The following TEX14 variants were observed in gnomAD, a reference collection of about 807,000 sequenced individuals.
TEX14 encodes the protein testis expressed 14, intercellular bridge forming factor, also known as inactive serine/threonine-protein kinase TEX14.
TEX14 carries 168 observed loss-of-function variants against 178.6 expected under a neutral mutation model. That is an observed-to-expected ratio of 0.94 (90% CI 0.83 to 1.07). TEX14 has a LOEUF of 1.07. TEX14 is among the 50% of genes least tolerant of loss of function. The probability of loss-of-function intolerance (pLI) is 0.00; values close to 1 mark genes in which losing one functional copy is unlikely to be tolerated. For synonymous variants in TEX14, 626 were observed against 634.1 expected, an observed-to-expected ratio of 0.99 and a Z score of 0.19; for missense variants, 1,730 against 1,753.6, an observed-to-expected ratio of 0.99 and a Z score of 0.24.
chr17:58,664,425 T>G (rs1158097650), intron 1 of TEX14, among the ~76,000 whole-genome samples: 1 of 152,206 alleles, frequency 6.6e-6, no homozygotes, highest in Non-Finnish European at 1.5e-5. Context: ...TTCTTGAATT[T>G]CTTTGCTGCT....
intron 28 of TEX14, among the ~76,000 whole-genome samples, chr17:58,563,699 A>C (rs1360518349): frequency 3.6e-4 from 7 of 19,502 alleles, no homozygotes; most frequent in African/African-American, 4.0e-4. Context: ...AGAGAGAGAG[A>C]GAGCGCAAGA....
chr17:58,596,286 TTTTG>T (rs1181271332), intron 14 of TEX14, among the ~76,000 whole-genome samples: 1 of 152,190 alleles, frequency 6.6e-6, no homozygotes, highest in Non-Finnish European at 1.5e-5. Context: ...TTTGTGCCTT[TTTTG>T]TTTGTTTTTG....
rs2045984648 is a variant in TEX14, at chr17:58,620,981, CAAAAG to C, written c.554+664_554+668del. On this transcript the variant is annotated intron_variant, in intron 5 of 31. Transcript: ENST00000349033. ...ATGAATGACAGGACAAGGAAGCCTG[CAAAAG>C]TGTGGTGAGCCCAGCTACCCTGCTT... Among the ~76,000 whole-genome samples, 4 of 152,108 alleles carry C rather than the reference CAAAAG, an allele frequency of 2.6e-5. No homozygotes were observed. In the East Asian group the frequency reaches 7.7e-4, roughly 29 times the overall value.
chr17:58,588,981 A>C (rs1324890821), intron 15 of TEX14, among the ~76,000 whole-genome samples: 1 of 152,124 alleles, frequency 6.6e-6, no homozygotes, highest in Non-Finnish European at 1.5e-5. Context: ...CTTTTCAAAA[A>C]CGCATGAACT....
intron 1 of TEX14, among the ~76,000 whole-genome samples, chr17:58,668,649 A>C (rs16943170): frequency 0.049 from 7,388 of 152,270 alleles, 377 homozygotes; most frequent in African/African-American, 0.13. Flanking sequence ...AGTGGTAGAG[A>C]AGGAATTAAA....
At chr17:58,682,761 G>A (rs1651054374) in intron 1 of TEX14, among the ~76,000 whole-genome samples, 1 of 152,154 alleles carries the variant, frequency 6.6e-6, no homozygotes, top group South Asian at 2.1e-4. Context: ...TATTGGCCTA[G>A]TTATCAAAAT....
chr17:58,622,378 G>A (rs576531743), intron 4 of TEX14, among the ~76,000 whole-genome samples: 5 of 151,794 alleles, frequency 3.3e-5, no homozygotes, highest in African/African-American at 9.7e-5. Flanking sequence ...CCCAGGAGGC[G>A]GAGGTTGCAG....
intron 1 of TEX14, among the ~76,000 whole-genome samples, chr17:58,681,076 GT>G (rs781772644): frequency 6.6e-6 from 1 of 151,812 alleles, no homozygotes; most frequent in African/African-American, 2.4e-5. Context: ...GAGGTCAGGA[GT>G]TCAAGACCAG....
chr17:58,586,979 G>T (rs574114851), intron 17 of TEX14, among the ~76,000 whole-genome samples: 2 of 152,264 alleles, frequency 1.3e-5, no homozygotes, highest in African/African-American at 2.4e-5. Context: ...ACCCTGAGTT[G>T]CCAGGATAGG....
rs2144355602 is a variant in TEX14, at chr17:58,569,755, C to A, written c.3818-495G>T. Among the ~76,000 whole-genome samples the A allele has an allele frequency of 6.6e-6, 1 of 152,272 alleles. No homozygotes were observed. The highest frequency in any genetic ancestry group is 1.5e-5 in the Non-Finnish European group (1 of 68,014). ...GACCAAAATACCTCAACATAATTCA[C>A]AAAATCCCTATCCCCCTGAGGGAAA... On this transcript the variant is annotated intron_variant, in intron 25 of 31. Coordinates refer to ENST00000349033, the MANE Select transcript of TEX14 (RefSeq NM_031272.5). This position sits in a 1 kb window ranked among gnomAD's most constrained non-coding sequence, Gnocchi z 4.1.
At chr17:58,641,480 C>A (rs1159719899) in intron 2 of TEX14, among the ~76,000 whole-genome samples, 3 of 110,394 alleles carry the variant, frequency 2.7e-5, no homozygotes, top group African/African-American at 3.8e-5. Context: ...TTCTTTCTTT[C>A]TCTTTTATTT....
intron 1 of TEX14, chr17:58,661,755 G>T (rs1171513925): frequency 1.8e-6 from 1 of 557,328 alleles, no homozygotes; most frequent in Non-Finnish European, 3.2e-6. Flanking sequence ...GAAGGCAACG[G>T]AGTCGGTTGT....
intron 20 of TEX14, 107 bp downstream of exon 20, chr17:58,579,558 T>TG: frequency 1.1e-6 from 1 of 909,988 alleles, no homozygotes; most frequent in South Asian, 1.5e-5. Flanking sequence ...ATGAAAGGTT[T>TG]GGACGAGGCT....
intron 1 of TEX14, chr17:58,666,689 G>A (rs751071048): frequency 5.3e-5 from 8 of 152,170 alleles, no homozygotes; most frequent in Admixed American, 2.0e-4. Flanking sequence ...TCTCCTGACA[G>A]GTAATTATGA....
intron 1 of TEX14, among the ~76,000 whole-genome samples, chr17:58,662,969 G>T (rs1164519883): frequency 6.6e-6 from 1 of 151,990 alleles, no homozygotes; most frequent in East Asian, 1.9e-4. Context: ...TTAGCCGGGC[G>T]TGGTGGTGGG....
rs533299115 is a variant in TEX14, at chr17:58,619,707, CAGG to C, written c.554+1940_554+1942del. On this transcript the variant is annotated intron_variant, in intron 5 of 31. Coordinates refer to ENST00000349033, the MANE Select transcript of TEX14 (RefSeq NM_031272.5). Reference sequence around the variant, plus strand: ...ATCCCAGCTACTAAGGAGGCTGAGGCAGGAGAATTGCTTGAACCCAGGAGACAG... The same window carrying C: ...ATCCCAGCTACTAAGGAGGCTGAGGCAGAATTGCTTGAACCCAGGAGACAG... Among the ~76,000 whole-genome samples, 15 of 148,794 alleles carry C rather than the reference CAGG, an allele frequency of 1.0e-4. 1 individual carries two copies. Among genetic ancestry groups the C allele is most frequent in the South Asian group, 8.5e-4 (4 of 4,724 alleles).
chr17:58,620,499 A>T (rs1206456517), intron 5 of TEX14, among the ~76,000 whole-genome samples: 2 of 143,916 alleles, frequency 1.4e-5, no homozygotes. Flanking sequence ...CTCGGCTAAT[A>T]TTTTTTTTTT....
At chr17:58,562,216 G>C (rs1318088759) in intron 28 of TEX14, among the ~76,000 whole-genome samples, 2 of 152,194 alleles carry the variant, frequency 1.3e-5, no homozygotes, top group African/African-American at 4.8e-5. Flanking sequence ...CTCAATTCTA[G>C]GTCACTGAGT....
At chr17:58,607,233 C>G (rs1318658384) in intron 10 of TEX14, among the ~76,000 whole-genome samples, 1 of 152,124 alleles carries the variant, frequency 6.6e-6, no homozygotes, top group Non-Finnish European at 1.5e-5. Context: ...TATGTTGTTA[C>G]ACCTGCAACG....
Sources: gnomAD v4.1 joint callset for allele counts (sites outside exome capture counted in the v4.1 genomes callset) on GRCh38, gnomAD v4.1.1 for gene constraint, Gnocchi (gnomAD v3.1) non-coding constraint, MANE v1.5 for transcripts, NCBI Gene and HGNC (gene_info 2026-07-23, HGNC 2026-07-21) for gene names.